VPS13C: variants seen among roughly 807,000 people sequenced by gnomAD.
VPS13C encodes the protein vacuolar protein sorting 13 homolog C.
Under a neutral mutation model 456.8 loss-of-function variants are expected in VPS13C, and 358 were observed. The ratio of observed to expected loss-of-function variants is 0.78; its 90% CI spans 0.72 to 0.86. The LOEUF (loss-of-function observed/expected upper bound fraction) is 0.86. Ranked by LOEUF, VPS13C falls within the 40% of genes least tolerant of loss-of-function variation. VPS13C has a pLI of 0.00. For synonymous variants in VPS13C, 1,578 were observed against 1,486.7 expected, an observed-to-expected ratio of 1.06 and a Z score of -1.41; for missense variants, 4,818 against 4,385.4, an observed-to-expected ratio of 1.10 and a Z score of -2.79.
Position 61,911,877 on chromosome 15 carries a change from A to T in VPS13C, c.8678T>A (p.Met2893Lys). 1 of 1,612,500 alleles carries T rather than the reference A, an allele frequency of 6.2e-7. No homozygotes were observed. The highest frequency in any genetic ancestry group is 1.3e-5 in the African/African-American group (1 of 75,028). The change falls in exon 63 of 85, where the codon ATG becomes AAG. Residue 2893 changes from methionine to lysine, a missense_variant. Around this residue, in one of 3 missense-constraint regions of VPS13C, gnomAD observed 4,552 missense variants for 4,130.6 expected, o/e 1.10. Transcript: ENST00000644861. ...EVGEIASDGS[M>K]PTNKWNYIAS... ...AATATAGTTCCATTTATTAGTTGGC[A>T]TTGAGCCATCAGATGCAATCTCGCC...
chr15:61,893,098 T>C (rs900512085), intron 66 of VPS13C, among the ~76,000 whole-genome samples: 9 of 152,124 alleles, frequency 5.9e-5, no homozygotes, highest in African/African-American at 1.9e-4. Context: ...ACTTTCCCTA[T>C]TGGAGAAAGA....
At chr15:61,900,830 G>A (rs1596310091) in intron 66 of VPS13C, among the ~76,000 whole-genome samples, 1 of 151,896 alleles carries the variant, frequency 6.6e-6, no homozygotes, top group African/African-American at 2.4e-5. Flanking sequence ...GAACAAAGCT[G>A]GAGGCATCAC....
At chr15:62,007,529 A>T in intron 14 of VPS13C, 50 bp from the exon 15 acceptor site, 2 of 1,429,414 alleles carry the variant, frequency 1.4e-6, no homozygotes, top group South Asian at 3.3e-5. Flanking sequence ...GGTTTAAGAG[A>T]AAACAGGAAA....
intron 66 of VPS13C, among the ~76,000 whole-genome samples, chr15:61,905,620 G>A (rs1184497975): frequency 6.6e-6 from 1 of 152,026 alleles, no homozygotes; most frequent in Non-Finnish European, 1.5e-5. Flanking sequence ...TATATGATAT[G>A]TCCTCAATAA....
At chr15:61,940,967 C>G (rs1476736885) in intron 46 of VPS13C, among the ~76,000 whole-genome samples, 173 bp from the exon 47 acceptor site, 1 of 152,182 alleles carries the variant, frequency 6.6e-6, no homozygotes, top group Admixed American at 6.5e-5. Flanking sequence ...AATCACAACA[C>G]ATAAGTTTAT....
intron 58 of VPS13C, 81 bp from the exon 59 acceptor site, chr15:61,918,338 T>C: frequency 7.7e-7 from 1 of 1,302,078 alleles, no homozygotes; most frequent in South Asian, 1.7e-5. Context: ...ACAAATACTT[T>C]TAGATCTAAA....
chr15:61,882,423 G>C (rs1426716806), intron 69 of VPS13C, among the ~76,000 whole-genome samples, 173 bp downstream of exon 69: 2 of 152,120 alleles, frequency 1.3e-5, no homozygotes, highest in African/African-American at 4.8e-5. Flanking sequence ...TAACAGTCAC[G>C]AAGTTTATAA....
chr15:61,854,640 C>G, intron 84 of VPS13C, 82 bp from the exon 85 acceptor site: 1 of 1,409,306 alleles, frequency 7.1e-7, no homozygotes. Flanking sequence ...AAAGCAAGGG[C>G]TGAAGCTCTC....
At chr15:61,924,281 A>G (rs987084128) in intron 53 of VPS13C, among the ~76,000 whole-genome samples, 5 of 152,078 alleles carry the variant, frequency 3.3e-5, no homozygotes, top group African/African-American at 7.2e-5. Context: ...TCAAAACTCA[A>G]ATCAAATAGT....
intron 4 of VPS13C, among the ~76,000 whole-genome samples, chr15:62,033,961 C>T (rs9920015): frequency 0.079 from 11,941 of 151,048 alleles, 997 homozygotes; most frequent in African/African-American, 0.21. Flanking sequence ...GAATACATAT[C>T]AACAATCATA....
chr15:62,002,232 C>A (rs2046649122), intron 15 of VPS13C, among the ~76,000 whole-genome samples: 1 of 152,178 alleles, frequency 6.6e-6, no homozygotes, highest in African/African-American at 2.4e-5. Flanking sequence ...GAGATGGTAT[C>A]TCATTGTGGT....
intron 66 of VPS13C, among the ~76,000 whole-genome samples, chr15:61,894,650 T>C (rs2042752038): frequency 6.6e-6 from 1 of 152,072 alleles, no homozygotes; most frequent in Admixed American, 6.6e-5. Context: ...ACAAAGTCAC[T>C]ATATAATGAT....
In VPS13C at chr15:61,958,612, C is replaced by A; in HGVS notation, c.4161G>T (p.Glu1387Asp). 1 of 1,555,372 alleles carries A rather than the reference C, an allele frequency of 6.4e-7. No homozygotes were observed. Among genetic ancestry groups the A allele is most frequent in the South Asian group, 1.2e-5 (1 of 83,446 alleles). The stretch of plus-strand genomic sequence containing the variant: ...CACTTACTGTCAGCCTCTTACCTGT[C>A]TCTTGTACTCTTGGTTTCACTTTAT... ...DLDKVKPRVQ[E>D]TGEIKEPLEI... is the part of the protein sequence containing the mutation. The change falls in exon 37 of 85, where the codon GAG (glutamate) becomes GAT (aspartate). Residue 1387 changes from glutamate (E) to aspartate (D), a missense_variant. This residue lies in a region of VPS13C where 4,552 missense variants were observed against 4,130.6 expected (regional missense o/e 1.10). Coordinates refer to ENST00000644861, the MANE Select transcript of VPS13C (RefSeq NM_020821.3).
chr15:62,055,885 T>G (rs993106756), intron 1 of VPS13C, among the ~76,000 whole-genome samples: 5 of 152,178 alleles, frequency 3.3e-5, no homozygotes, highest in African/African-American at 1.2e-4. Flanking sequence ...AACTAACATT[T>G]TGAGCTGGAC....
intron 6 of VPS13C, among the ~76,000 whole-genome samples, chr15:62,024,982 A>G (rs2047586187): frequency 6.6e-6 from 1 of 152,116 alleles, no homozygotes; most frequent in Non-Finnish European, 1.5e-5. Context: ...TACTCCAAGT[A>G]GCCCCAGGGC....
Position 61,921,959 on chromosome 15 carries a change from A to C in VPS13C, c.7050T>G (p.Asn2350Lys), listed in dbSNP as rs188344330. 8.7e-6 allele frequency: 14 copies of C among 1,613,432 alleles called. No homozygotes were observed. In the East Asian group the frequency reaches 3.1e-4, roughly 36 times the overall value. Reference protein sequence around the residue: ...IERVEGKRQWNLRLDVKKNPV... With the variant: ...IERVEGKRQWKLRLDVKKNPV... Reference sequence around the variant, plus strand: ...AAGATTTCCTTACATCAAGCCTTAAATTCCATTGTCTCTTCCCCTCCACTC... The same window carrying C: ...AAGATTTCCTTACATCAAGCCTTAACTTCCATTGTCTCTTCCCCTCCACTC... Residue 2350 changes from asparagine (N) to lysine (K), a missense_variant, in exon 55 of 85, where the codon AAT (asparagine) becomes AAG (lysine). By Grantham distance (94) the Asn-to-Lys change is moderately conservative (BLOSUM62 0). Coordinates refer to ENST00000644861, the MANE Select transcript of VPS13C (RefSeq NM_020821.3).
intron 40 of VPS13C, 63 bp downstream of exon 40, chr15:61,950,882 T>C: frequency 1.0e-6 from 1 of 995,688 alleles, no homozygotes; most frequent in African/African-American, 2.3e-5. Flanking sequence ...GAATATTAAA[T>C]ATAAGGGTAA....
intron 10 of VPS13C, 75 bp from the exon 11 acceptor site, chr15:62,013,194 A>C: frequency 5.8e-5 from 64 of 1,110,834 alleles, no homozygotes; most frequent in Non-Finnish European, 6.7e-5. Context: ...GATTATTCTC[A>C]TGTTCACCAC....
intron 81 of VPS13C, chr15:61,865,882 G>T: frequency 1.0e-6 from 1 of 958,986 alleles, no homozygotes; most frequent in Non-Finnish European, 1.2e-6. Flanking sequence ...AACTCTCAAA[G>T]CTGCATATTA....
Sources: allele counts gnomAD v4.1 joint callset (sites outside exome capture counted in the v4.1 genomes callset), GRCh38; gene constraint gnomAD v4.1.1; regional missense constraint gnomAD v4.1.1; transcripts MANE v1.5; gene names NCBI Gene and HGNC (gene_info 2026-07-23, HGNC 2026-07-21).